LRRC4C: variants seen among roughly 807,000 people sequenced by gnomAD.
LRRC4C encodes leucine-rich repeat-containing protein 4C.
A neutral mutation model predicts 33.6 loss-of-function variants in LRRC4C; 5 were observed. The observed-to-expected ratio is 0.15, with a 90% confidence interval of 0.08 to 0.31. The LOEUF is 0.31. Among genes scored for constraint, LRRC4C ranks in the 10% least tolerant of loss-of-function variants. LRRC4C has a pLI of 1.00. For synonymous variants in LRRC4C, 329 were observed against 302.0 expected (o/e 1.09, Z -0.93); for missense variants, 560 against 796.7 (o/e 0.70, Z 3.58).
At chr11:41,176,224 T>G (rs75918406) in intron 1 of LRRC4C, among the ~76,000 whole-genome samples, 7,355 of 152,286 alleles carry the variant, frequency 0.048, 205 homozygotes, top group East Asian at 0.07. Flanking sequence ...TAATTTATTT[T>G]TAAAACCTGG....
chr11:41,345,470 A>G (rs1951773466), intron 1 of LRRC4C, among the ~76,000 whole-genome samples: 2 of 152,266 alleles, frequency 1.3e-5, no homozygotes, highest in South Asian at 4.1e-4. Context: ...TGGTGATCAT[A>G]GTTTGTAGGA....
chr11:41,066,565 A>C (rs922211097), intron 1 of LRRC4C, among the ~76,000 whole-genome samples: 10 of 152,048 alleles, frequency 6.6e-5, no homozygotes, highest in African/African-American at 1.9e-4. Flanking sequence ...AAATACAGAC[A>C]CCACTAAGAT....
At chr11:41,331,771 T>C (rs1951302383) in intron 1 of LRRC4C, among the ~76,000 whole-genome samples, 1 of 152,110 alleles carries the variant, frequency 6.6e-6, no homozygotes, top group Non-Finnish European at 1.5e-5. Context: ...GCCTAAATAT[T>C]GGGCACTGAC....
At chr11:40,230,794 C>T (rs189258822) in intron 5 of LRRC4C, among the ~76,000 whole-genome samples, 343 of 152,194 alleles carry the variant, frequency 2.3e-3, no homozygotes, top group Middle Eastern at 0.01. Flanking sequence ...AATATAGATG[C>T]TTAGAAAGAA....
chr11:40,606,563 A>C (rs999164656), intron 3 of LRRC4C, among the ~76,000 whole-genome samples: 2 of 152,086 alleles, frequency 1.3e-5, no homozygotes, highest in Non-Finnish European at 2.9e-5. Context: ...CCAGAAAATG[A>C]CCCTAAAAAA....
chr11:41,208,926 A>T (rs1946707012), intron 1 of LRRC4C, among the ~76,000 whole-genome samples: 1 of 152,008 alleles, frequency 6.6e-6, no homozygotes, highest in Non-Finnish European at 1.5e-5. Flanking sequence ...CACCATGGAG[A>T]GCTGAGAAGG....
intron 2 of LRRC4C, among the ~76,000 whole-genome samples, chr11:40,779,519 C>T (rs543862648): frequency 6.6e-6 from 1 of 152,126 alleles, no homozygotes; most frequent in East Asian, 1.9e-4. Context: ...TTATATTACC[C>T]AGTCCTCAAG....
chr11:40,817,890 T>A (rs1337434261), intron 2 of LRRC4C, among the ~76,000 whole-genome samples: 1 of 152,152 alleles, frequency 6.6e-6, no homozygotes, highest in Non-Finnish European at 1.5e-5. Context: ...TCTATCAGCA[T>A]AACACACATT....
At chr11:40,838,489 C>A (rs1404048051) in intron 2 of LRRC4C, among the ~76,000 whole-genome samples, 1 of 152,160 alleles carries the variant, frequency 6.6e-6, no homozygotes, top group Non-Finnish European at 1.5e-5. Flanking sequence ...TATTCCTAGT[C>A]TTCCCACTTT....
At chr11:41,094,743 CT>C (rs1479066494) in intron 1 of LRRC4C, among the ~76,000 whole-genome samples, 1 of 152,016 alleles carries the variant, frequency 6.6e-6, no homozygotes, top group African/African-American at 2.4e-5. Context: ...AAGCATTTAT[CT>C]TTCTTGTCAA....
At chr11:41,215,172 A>G (rs1203022212) in intron 1 of LRRC4C, among the ~76,000 whole-genome samples, 1 of 151,604 alleles carries the variant, frequency 6.6e-6, no homozygotes, top group East Asian at 1.9e-4. Flanking sequence ...ATTTTAGAAC[A>G]TACTATCAAT....
chr11:40,871,029 G>C (rs371411896), intron 2 of LRRC4C, among the ~76,000 whole-genome samples: 1 of 152,038 alleles, frequency 6.6e-6, no homozygotes, highest in Non-Finnish European at 1.5e-5. Context: ...TTTTATGGTC[G>C]AAGCTGTAGG....
intron 1 of LRRC4C, among the ~76,000 whole-genome samples, chr11:40,998,972 C>T (rs567824883): frequency 6.6e-6 from 1 of 152,196 alleles, no homozygotes; most frequent in South Asian, 2.1e-4. Context: ...GCCAACATGA[C>T]ATGAAGAATA....
At position 40,837,860 on chromosome 11, in the gene LRRC4C, G is replaced by C. The variant is rs372073279; in HGVS notation, c.-407+95775C>G. Among the ~76,000 whole-genome samples, 34 of 142,668 alleles carry C rather than the reference G, an allele frequency of 2.4e-4. No individual in the cohort carries two copies. The East Asian group carries it at 6.5e-3, about 27-fold the overall frequency. The allele number at this position is 142,668 out of a possible 152,430, so 93.6% of individuals were successfully genotyped here. ...GATCCCATCTCAGAAAAAAAAAATA[G>C]AGGAAAATAGCCAATGATGCTTAAA... is the stretch of plus-strand genomic sequence containing the variant. On this transcript the variant is annotated intron_variant, in intron 2 of 6. Transcript: ENST00000528697.
intron 1 of LRRC4C, among the ~76,000 whole-genome samples, chr11:41,380,720 T>A (rs938872875): frequency 1.3e-5 from 2 of 152,096 alleles, no homozygotes; most frequent in African/African-American, 4.8e-5. Flanking sequence ...ATTTGCCAAA[T>A]CCATTTAACT....
At chr11:40,484,093 G>A (rs1305830946) in intron 3 of LRRC4C, among the ~76,000 whole-genome samples, 1 of 151,946 alleles carries the variant, frequency 6.6e-6, no homozygotes, top group African/African-American at 2.4e-5. Flanking sequence ...GAGAGAAAGG[G>A]CTATTCTCAT....
chr11:40,841,275 T>C (rs1296510744), intron 2 of LRRC4C, among the ~76,000 whole-genome samples: 4 of 152,212 alleles, frequency 2.6e-5, no homozygotes, highest in Non-Finnish European at 5.9e-5. Context: ...ATGTAGTTTC[T>C]TAGTCCCAAT....
intron 2 of LRRC4C, among the ~76,000 whole-genome samples, chr11:40,860,598 T>A (rs919568195): frequency 2.0e-5 from 3 of 152,070 alleles, no homozygotes; most frequent in African/African-American, 7.2e-5. Flanking sequence ...TCACGGGGTG[T>A]ACTACCAGTG....
intron 3 of LRRC4C, among the ~76,000 whole-genome samples, chr11:40,413,150 A>G (rs1950210822): frequency 6.6e-6 from 1 of 152,086 alleles, no homozygotes; most frequent in Admixed American, 6.6e-5. Flanking sequence ...AGAATCATAA[A>G]TAATAATCAG....
Sources: allele counts gnomAD v4.1 joint callset (sites outside exome capture counted in the v4.1 genomes callset), GRCh38; gene constraint gnomAD v4.1.1; transcripts MANE v1.5; gene names NCBI Gene and HGNC (gene_info 2026-07-23, HGNC 2026-07-21).